The following PTPRM variants were observed in gnomAD, a reference collection of about 807,000 sequenced individuals.
PTPRM encodes receptor-type tyrosine-protein phosphatase mu.
PTPRM carries 47 observed loss-of-function variants against 186.7 expected under a neutral mutation model. The ratio of observed to expected loss-of-function variants is 0.25; its 90% confidence interval spans 0.20 to 0.32. PTPRM has a LOEUF of 0.32. Among genes scored for constraint, PTPRM ranks in the 10% least tolerant of loss-of-function variants. The pLI, the probability that PTPRM is intolerant of heterozygous loss-of-function variation, is 1.00. For synonymous variants in PTPRM, 668 were observed against 674.9 expected, an observed-to-expected ratio of 0.99 and a Z score of 0.16; for missense variants, 1,494 against 1,865.0, an observed-to-expected ratio of 0.80 and a Z score of 3.66.
At chr18:8,368,437 T>C (rs993994487) in intron 23 of PTPRM, among the ~76,000 whole-genome samples, 2 of 152,056 alleles carry the variant, frequency 1.3e-5, no homozygotes, top group South Asian at 2.1e-4. Context: ...CTTTATAAAG[T>C]CACAAATAAT....
intron 1 of PTPRM, among the ~76,000 whole-genome samples, chr18:7,752,467 A>G (rs2041264083): frequency 6.6e-6 from 1 of 152,152 alleles, no homozygotes; most frequent in South Asian, 2.1e-4. Flanking sequence ...CTTGTCGCCC[A>G]GGCTGGAGTG....
intron 23 of PTPRM, among the ~76,000 whole-genome samples, chr18:8,352,191 T>C (rs1411639217): frequency 6.6e-6 from 1 of 152,238 alleles, no homozygotes; most frequent in African/African-American, 2.4e-5. Flanking sequence ...ATGTTCAGAA[T>C]GTGATAGTAC....
chr18:7,909,081 C>T (rs1401980714), intron 4 of PTPRM, among the ~76,000 whole-genome samples: 2 of 152,194 alleles, frequency 1.3e-5, no homozygotes, highest in African/African-American at 4.8e-5. Flanking sequence ...ACATGGCTTT[C>T]TATTACATAT....
At chr18:8,110,110 A>AAGC (rs1428059161) in intron 11 of PTPRM, among the ~76,000 whole-genome samples, 3 of 152,192 alleles carry the variant, frequency 2.0e-5, no homozygotes, top group Non-Finnish European at 4.4e-5. Context: ...AACCAAATAG[A>AAGC]AGCAACTTCA....
At chr18:7,586,979 A>G (rs2036995376) in intron 1 of PTPRM, among the ~76,000 whole-genome samples, 1 of 152,104 alleles carries the variant, frequency 6.6e-6, no homozygotes, top group Admixed American at 6.6e-5. Context: ...TGGTACTCCC[A>G]TTTTCTTTCC....
At chr18:8,103,651 T>C (rs1186495072) in intron 11 of PTPRM, among the ~76,000 whole-genome samples, 2 of 152,226 alleles carry the variant, frequency 1.3e-5, no homozygotes, top group Non-Finnish European at 2.9e-5. Flanking sequence ...TAATATTCTA[T>C]CCAGACCACT....
chr18:8,107,926 G>T (rs991529359), intron 11 of PTPRM, among the ~76,000 whole-genome samples: 2 of 152,124 alleles, frequency 1.3e-5, no homozygotes, highest in East Asian at 3.9e-4. Flanking sequence ...TTTTTTTCCA[G>T]TAATTGTAAT....
intron 1 of PTPRM, among the ~76,000 whole-genome samples, chr18:7,688,137 A>G (rs894524027): frequency 6.6e-6 from 1 of 152,168 alleles, no homozygotes; most frequent in African/African-American, 2.4e-5. Context: ...TACTGAGCAT[A>G]TGGCATCATA....
At chr18:8,286,082 G>A (rs1011158989) in intron 19 of PTPRM, among the ~76,000 whole-genome samples, 4 of 152,218 alleles carry the variant, frequency 2.6e-5, no homozygotes, top group African/African-American at 9.6e-5. Flanking sequence ...GAGGGAAGTG[G>A]TGAGGGGATG....
chr18:7,619,087 G>A (rs945949801), intron 1 of PTPRM, among the ~76,000 whole-genome samples: 25 of 152,116 alleles, frequency 1.6e-4, no homozygotes, highest in African/African-American at 5.3e-4. Context: ...AAGCAATGGG[G>A]TGCTTTATAG....
At chr18:7,762,695 G>C (rs1307084805) in intron 1 of PTPRM, among the ~76,000 whole-genome samples, 1 of 152,162 alleles carries the variant, frequency 6.6e-6, no homozygotes, top group African/African-American at 2.4e-5. Context: ...AATCAAACGG[G>C]AACATGAGCT....
At chr18:8,372,996 A>G (rs2095672941) in intron 24 of PTPRM, among the ~76,000 whole-genome samples, 1 of 152,118 alleles carries the variant, frequency 6.6e-6, no homozygotes, top group South Asian at 2.1e-4. Context: ...CTGCACAGAA[A>G]TGTGTCTGAA....
In PTPRM at chr18:7,966,861, C is replaced by A. The variant is rs866356731; in HGVS notation, c.1132+11447C>A. 1.6e-5 allele frequency among the ~76,000 whole-genome samples: 2 copies of A among 127,680 alleles called. 1 individual carries two copies. The highest frequency in any genetic ancestry group is 3.7e-5 in the Non-Finnish European group (2 of 53,484). 83.8% of individuals were successfully genotyped at this position (127,680 alleles called of 152,430 possible). A position where few individuals can be genotyped will look rare whatever the true frequency, so the allele number is the denominator to read the frequency against. On this transcript the variant is annotated intron_variant, in intron 7 of 32. Transcript: ENST00000580170. ...AGCAGTCTGAGATCAAACCGCAAGG[C>A]GGCAGCGAGGCTGGGGGAGGGGCGC...
At chr18:7,595,603 T>TTTTA (rs2037236696) in intron 1 of PTPRM, among the ~76,000 whole-genome samples, 1 of 152,182 alleles carries the variant, frequency 6.6e-6, no homozygotes, top group South Asian at 2.1e-4. Flanking sequence ...GTCAAATGCA[T>TTTTA]TTTAGTCTAC....
intron 13 of PTPRM, among the ~76,000 whole-genome samples, chr18:8,138,266 C>A (rs966187506): frequency 9.2e-5 from 14 of 151,792 alleles, no homozygotes; most frequent in African/African-American, 2.9e-4. Flanking sequence ...AAGAGACGGC[C>A]CAGGGCTCTG....
chr18:7,759,493 A>G (rs567221052), intron 1 of PTPRM, among the ~76,000 whole-genome samples: 4 of 152,366 alleles, frequency 2.6e-5, no homozygotes, highest in African/African-American at 7.2e-5. Flanking sequence ...ACATATCCCA[A>G]TGAATAGTTT....
intron 8 of PTPRM, among the ~76,000 whole-genome samples, chr18:8,070,569 A>G (rs752646637): frequency 3.3e-5 from 5 of 152,166 alleles, no homozygotes; most frequent in Non-Finnish European, 7.3e-5. Flanking sequence ...CAAATAAACC[A>G]TGCATGTCAC....
Position 7,813,475 on chromosome 18 carries a change from A to G in PTPRM, c.196+39204A>G, listed in dbSNP as rs558581202. Reference sequence around the variant, plus strand: ...AATGCAACATTCTTGGTAACCACGTAAGAAATACTCAAATATTGAAGACAG... The same window carrying G: ...AATGCAACATTCTTGGTAACCACGTGAGAAATACTCAAATATTGAAGACAG... On this transcript the variant is annotated intron_variant, in intron 2 of 32. Transcript: ENST00000580170. 3.9e-5 allele frequency among the ~76,000 whole-genome samples: 6 copies of G among 152,292 alleles called. No individual in the cohort carries two copies. The South Asian group carries it at 1.2e-3, about 32-fold the overall frequency.
chr18:8,396,130 C>T (rs2095844323), intron 32 of PTPRM, among the ~76,000 whole-genome samples: 1 of 152,196 alleles, frequency 6.6e-6, no homozygotes, highest in Non-Finnish European at 1.5e-5. Flanking sequence ...TGCAATCCCA[C>T]CTGAATGGTA....
Sources: allele counts gnomAD v4.1 joint callset (sites outside exome capture counted in the v4.1 genomes callset), GRCh38; gene constraint gnomAD v4.1.1; transcripts MANE v1.5; gene names NCBI Gene and HGNC (gene_info 2026-07-23, HGNC 2026-07-21).